The following CDK14 variants were observed in gnomAD, a reference collection of about 807,000 sequenced individuals.
The protein encoded by CDK14 is cyclin-dependent kinase 14.
Under a neutral mutation model 60.7 loss-of-function variants are expected in CDK14, and 34 were observed. The ratio of observed to expected loss-of-function variants is 0.56; its 90% confidence interval spans 0.43 to 0.75. The LOEUF (loss-of-function observed/expected upper bound fraction) is 0.75, where lower values mean the gene tolerates loss of function less well. Among genes scored for constraint, CDK14 ranks in the 30% least tolerant of loss-of-function variants. The pLI is 0.00. For synonymous variants in CDK14, 197 were observed against 203.7 expected (o/e 0.97, Z 0.28); for missense variants, 482 against 564.1 (o/e 0.85, Z 1.47).
At chr7:90,981,746 A>G (rs1474208883) in intron 9 of CDK14, among the ~76,000 whole-genome samples, 1 of 152,060 alleles carries the variant, frequency 6.6e-6, no homozygotes, top group African/African-American at 2.4e-5. Context: ...ACATAAACCC[A>G]TTCAAATAGA....
intron 3 of CDK14, among the ~76,000 whole-genome samples, chr7:90,738,366 A>G (rs1584841638): frequency 6.6e-6 from 1 of 152,172 alleles, no homozygotes; most frequent in Non-Finnish European, 1.5e-5. Flanking sequence ...ATTACTTGAT[A>G]TTAGCTAGTT....
chr7:90,704,767 A>G (rs1183413430), intron 2 of CDK14, among the ~76,000 whole-genome samples: 1 of 152,196 alleles, frequency 6.6e-6, no homozygotes, highest in African/African-American at 2.4e-5. Context: ...TGGTTAAGAC[A>G]TGGCTGTTAA....
chr7:90,960,056 T>A (rs1005499611), intron 9 of CDK14, among the ~76,000 whole-genome samples: 1 of 152,120 alleles, frequency 6.6e-6, no homozygotes, highest in Non-Finnish European at 1.5e-5. Context: ...GAAGTGCAGA[T>A]GTAGCAAGCA....
At chr7:90,930,529 C>CTTTTTTTTTTTTT in intron 8 of CDK14, among the ~76,000 whole-genome samples, 1 of 81,382 alleles carries the variant, frequency 1.2e-5, no homozygotes, top group Non-Finnish European at 2.2e-5. Flanking sequence ...ACAGGCTAAG[C>CTTTTTTTTTTTTT]TTTTTTTTTT....
At chr7:90,880,269 C>T (rs1791703191) in intron 6 of CDK14, among the ~76,000 whole-genome samples, 1 of 152,206 alleles carries the variant, frequency 6.6e-6, no homozygotes, top group South Asian at 2.1e-4. Flanking sequence ...GGCTGAACAG[C>T]TTGTTCCCAA....
At chr7:90,770,491 G>T (rs1371570843) in intron 4 of CDK14, among the ~76,000 whole-genome samples, 2 of 152,046 alleles carry the variant, frequency 1.3e-5, no homozygotes, top group African/African-American at 2.4e-5. Context: ...TACTTCACTG[G>T]TTCTTAATTA....
chr7:90,878,097 A>G (rs976024454), intron 6 of CDK14, among the ~76,000 whole-genome samples: 1 of 139,362 alleles, frequency 7.2e-6, no homozygotes, highest in Admixed American at 7.3e-5. Context: ...TGTGTGTGAG[A>G]GAGAGAGAGA....
At chr7:91,122,977 T>G (rs1259286520) in intron 14 of CDK14, among the ~76,000 whole-genome samples, 1 of 152,194 alleles carries the variant, frequency 6.6e-6, no homozygotes, top group Non-Finnish European at 1.5e-5. Flanking sequence ...ACTGCTGGGC[T>G]TAGCCCTTCA....
rs1793121917 is a variant in CDK14, at chr7:90,917,650, A to G, written c.752A>G (p.Tyr251Cys). 2 of 1,613,786 alleles carry G rather than the reference A, an allele frequency of 1.2e-6. No homozygotes were observed. Among genetic ancestry groups the G allele is most frequent in the Admixed American group, 1.7e-5 (1 of 60,004 alleles). ...LRGLSYIHQRYILHRDLKPQN... is the reference protein window; with the variant it reads ...LRGLSYIHQRCILHRDLKPQN... ...GGTCTGTCTTACATCCACCAGCGTT[A>G]TATTTTGCACAGAGACCTGAAACCA... Residue 251 changes from tyrosine (Y) to cysteine (C), a missense_variant, in exon 8 of 15, where the codon TAT becomes TGT. Physicochemically the swap from Tyr to Cys is radical, Grantham distance 194 (BLOSUM62 -2). Transcript: ENST00000380050.
intron 13 of CDK14, among the ~76,000 whole-genome samples, chr7:91,115,494 G>T (rs373018593): frequency 1.3e-5 from 2 of 152,030 alleles, no homozygotes; most frequent in East Asian, 1.9e-4. Flanking sequence ...TCACATTAGG[G>T]GTTAGGGCTT....
At chr7:91,162,716 C>T (rs976076393) in intron 14 of CDK14, among the ~76,000 whole-genome samples, 4 of 152,180 alleles carry the variant, frequency 2.6e-5, no homozygotes, top group African/African-American at 9.7e-5. Flanking sequence ...GTCATATCTA[C>T]CTCATAGTAT....
intron 2 of CDK14, among the ~76,000 whole-genome samples, chr7:90,630,888 ATGTGTGTGTG>A (rs55859300): frequency 3.4e-5 from 5 of 148,364 alleles, no homozygotes; most frequent in Admixed American, 6.8e-5. Context: ...TGGGGTGTGT[ATGTGTGTGTG>A]TGTGTGTGTG....
At chr7:90,999,854 T>C (rs185102441) in intron 10 of CDK14, among the ~76,000 whole-genome samples, 4 of 152,334 alleles carry the variant, frequency 2.6e-5, no homozygotes, top group Admixed American at 6.5e-5. Flanking sequence ...GGCCTATTTG[T>C]TCAAACATAG....
chr7:90,780,696 T>A (rs919316412), intron 4 of CDK14, among the ~76,000 whole-genome samples: 3 of 151,840 alleles, frequency 2.0e-5, no homozygotes, highest in Non-Finnish European at 4.4e-5. Flanking sequence ...AATGATGATT[T>A]CCAATTTCAT....
intron 5 of CDK14, among the ~76,000 whole-genome samples, chr7:90,832,054 A>C (rs2117114216): frequency 6.6e-6 from 1 of 152,162 alleles, no homozygotes; most frequent in South Asian, 2.1e-4. Flanking sequence ...TCTTCAGAGA[A>C]TACATCTGAT....
chr7:90,710,424 A>G (rs1309300700), intron 2 of CDK14: 2 of 985,150 alleles, frequency 2.0e-6, no homozygotes, highest in African/African-American at 1.7e-5. Context: ...ATGTCCATGA[A>G]TTTAGCTGGA....
At chr7:90,881,594 A>G (rs1195860028) in intron 6 of CDK14, among the ~76,000 whole-genome samples, 3 of 152,182 alleles carry the variant, frequency 2.0e-5, no homozygotes, top group Admixed American at 6.5e-5. Context: ...GAACACCACT[A>G]AGATACTCCA....
chr7:90,695,756 A>G (rs1291674797), intron 2 of CDK14, among the ~76,000 whole-genome samples: 3 of 152,156 alleles, frequency 2.0e-5, no homozygotes, highest in African/African-American at 7.2e-5. Flanking sequence ...AGAATGTTTC[A>G]GGAGGAGGGT....
At chr7:90,904,447 A>C (rs984264156) in intron 7 of CDK14, among the ~76,000 whole-genome samples, 5 of 152,170 alleles carry the variant, frequency 3.3e-5, no homozygotes, top group African/African-American at 9.7e-5. Flanking sequence ...ATTATTTTTG[A>C]GAAGCAGAAT....
Sources: allele counts gnomAD v4.1 joint callset (sites outside exome capture counted in the v4.1 genomes callset), GRCh38; gene constraint gnomAD v4.1.1; transcripts MANE v1.5; gene names NCBI Gene and HGNC (gene_info 2026-07-23, HGNC 2026-07-21).